The following PACSIN2 variants were observed in gnomAD, a reference collection of about 807,000 sequenced individuals.
PACSIN2 encodes the protein protein kinase C and casein kinase substrate in neurons protein 2.
In PACSIN2, 25 loss-of-function variants were observed where a neutral mutation model predicts 63.8. That is an observed-to-expected ratio of 0.39 (90% CI 0.29 to 0.55). The LOEUF (loss-of-function observed/expected upper bound fraction) is 0.55, where lower values mean the gene tolerates loss of function less well. Ranked by LOEUF, PACSIN2 falls within the 20% of genes least tolerant of loss-of-function variation. PACSIN2 has a pLI of 0.62. For missense variants in PACSIN2, 518 were observed against 646.9 expected, an observed-to-expected ratio of 0.80 and a Z score of 2.16; for synonymous variants, 255 against 256.2, an observed-to-expected ratio of 1.00 and a Z score of 0.05.
At chr22:42,997,592 AAATG>A (rs1461264746) in intron 1 of PACSIN2, among the ~76,000 whole-genome samples, 1 of 151,704 alleles carries the variant, frequency 6.6e-6, no homozygotes, top group Non-Finnish European at 1.5e-5. Flanking sequence ...AAATAAATAA[AAATG>A]AATGGGGATT....
intron 2 of PACSIN2, among the ~76,000 whole-genome samples, chr22:42,895,485 C>T (rs1930213942): frequency 6.6e-6 from 1 of 152,172 alleles, no homozygotes; most frequent in South Asian, 2.1e-4. Context: ...TATTTTGGCT[C>T]TCTTGAAACC....
At chr22:42,968,175 G>GT (rs1340207394) in intron 1 of PACSIN2, among the ~76,000 whole-genome samples, 1 of 152,174 alleles carries the variant, frequency 6.6e-6, no homozygotes, top group African/African-American at 2.4e-5. Context: ...CACAAACAGC[G>GT]TGACACTGCA....
intron 10 of PACSIN2, among the ~76,000 whole-genome samples, chr22:42,874,559 C>T (rs1928438194): frequency 6.6e-6 from 1 of 152,218 alleles, no homozygotes. Flanking sequence ...CCACCTGGCC[C>T]AGGGGCATGC....
chr22:42,876,209 C>T lies in PACSIN2; in HGVS notation c.1276G>A (p.Gly426Arg), dbSNP rs763019917. 6.2e-7 allele frequency: 1 copy of T among 1,614,240 alleles called. No homozygotes were observed. Among genetic ancestry groups the T allele is most frequent in the Admixed American group, 1.7e-5 (1 of 60,036 alleles). Residue 426 changes from glycine (G) to arginine (R), a missense_variant, in exon 10 of 11, where the codon GGG (glycine) becomes AGG (arginine). Transcript: ENST00000263246. The stretch of plus-strand genomic sequence containing the variant: ...AGGGCCCGGACTCGCACTTCCGTCC[C>T]CGAGGTGGCGTCGTCGTCGAATGGA... ...SNPFDDDATS[G>R]TEVRVRALYD...
chr22:42,882,914 C>T (rs886144305), intron 6 of PACSIN2, among the ~76,000 whole-genome samples: 3 of 152,160 alleles, frequency 2.0e-5, no homozygotes, highest in East Asian at 1.9e-4. Context: ...CTCTGGGCCT[C>T]GGTTTCCTCC....
chr22:43,007,522 T>C (rs1341485556), intron 1 of PACSIN2, among the ~76,000 whole-genome samples: 1 of 152,136 alleles, frequency 6.6e-6, no homozygotes, highest in African/African-American at 2.4e-5. Context: ...AGCCACTCCT[T>C]GTTCTTCAGA....
At chr22:42,909,765 A>G (rs1266417501) in intron 2 of PACSIN2, among the ~76,000 whole-genome samples, 2 of 152,230 alleles carry the variant, frequency 1.3e-5, no homozygotes, top group African/African-American at 4.8e-5. Context: ...GTTCACCTGA[A>G]TGTTTTTTAA....
At chr22:42,962,231 G>A (rs1934161791) in intron 1 of PACSIN2, among the ~76,000 whole-genome samples, 1 of 151,958 alleles carries the variant, frequency 6.6e-6, no homozygotes, top group Non-Finnish European at 1.5e-5. Context: ...CTGGTTATGG[G>A]AGGGCTTTTT....
At chr22:42,951,864 C>T (rs1361802599) in intron 1 of PACSIN2, among the ~76,000 whole-genome samples, 3 of 152,198 alleles carry the variant, frequency 2.0e-5, no homozygotes, top group Non-Finnish European at 4.4e-5. Context: ...AATCCCCACA[C>T]CCTGGACTCT....
intron 1 of PACSIN2, among the ~76,000 whole-genome samples, chr22:42,969,064 T>TCCATCCATCCATCCATCCAC (rs1921045893): frequency 6.6e-6 from 1 of 151,972 alleles, no homozygotes; most frequent in African/African-American, 2.4e-5. Flanking sequence ...CATCCATCCA[T>TCCATCCATCCATCCATCCAC]CCATCCACCC....
intron 1 of PACSIN2, among the ~76,000 whole-genome samples, chr22:43,013,309 G>A (rs1364390559): frequency 6.6e-6 from 1 of 152,110 alleles, no homozygotes; most frequent in East Asian, 1.9e-4. Context: ...CAGCCTAATG[G>A]CCACTTTCTT....
chr22:42,883,675 C>A (rs1869414805), intron 6 of PACSIN2, among the ~76,000 whole-genome samples: 1 of 152,240 alleles, frequency 6.6e-6, no homozygotes, highest in South Asian at 2.1e-4. Flanking sequence ...GCACGACCAG[C>A]CCAGAAATGC....
chr22:42,871,302 G>T lies in PACSIN2; in HGVS notation c.*55C>A. Reference sequence around the variant, plus strand: ...AAAGGAGTGGATGCCCACGTGGCTGGCTGAGGCTCCTGGGCCCGCCGCCTC... The same window carrying T: ...AAAGGAGTGGATGCCCACGTGGCTGTCTGAGGCTCCTGGGCCCGCCGCCTC... On this transcript the variant is annotated 3_prime_UTR_variant, in exon 11 of 11. Coordinates refer to ENST00000263246, the MANE Select transcript of PACSIN2 (RefSeq NM_001184970.3). The surrounding 1 kb of genome is among the most constrained non-coding windows in gnomAD (Gnocchi z 5.4). The T allele has an allele frequency of 2.7e-6, 3 of 1,111,924 alleles. No individual in the cohort carries two copies. Among genetic ancestry groups the T allele is most frequent in the Non-Finnish European group, 2.8e-6 (2 of 724,812 alleles). 68.9% of individuals were successfully genotyped at this position (1,111,924 alleles called of 1,614,324 possible).
intron 7 of PACSIN2, among the ~76,000 whole-genome samples, chr22:42,879,541 C>T (rs889154874): frequency 4.6e-5 from 7 of 152,208 alleles, no homozygotes; most frequent in Non-Finnish European, 8.8e-5. Flanking sequence ...TCAGTCCCAG[C>T]CCCCTCAGGC....
intron 8 of PACSIN2, among the ~76,000 whole-genome samples, chr22:42,877,426 C>T (rs138883709): frequency 4.0e-4 from 61 of 152,170 alleles, no homozygotes; most frequent in Non-Finnish European, 6.8e-4. Context: ...TGGGAGGGGC[C>T]GGCTCCCATG....
chr22:43,006,671 C>T (rs940127856), intron 1 of PACSIN2, among the ~76,000 whole-genome samples: 1 of 152,076 alleles, frequency 6.6e-6, no homozygotes, highest in African/African-American at 2.4e-5. Flanking sequence ...AAAAATTAGC[C>T]CGGCATGATG....
At chr22:42,876,508 A>G (rs1364657673) in intron 9 of PACSIN2, among the ~76,000 whole-genome samples, 175 bp from the exon 10 acceptor site, 2 of 152,002 alleles carry the variant, frequency 1.3e-5, no homozygotes, top group Non-Finnish European at 2.9e-5. Flanking sequence ...ACTCATCCTG[A>G]GCCATCAACA....
intron 1 of PACSIN2, among the ~76,000 whole-genome samples, chr22:42,996,259 C>T (rs1923394327): frequency 6.6e-6 from 1 of 151,182 alleles, no homozygotes; most frequent in Admixed American, 6.6e-5. Flanking sequence ...TGACACTGGA[C>T]GCGGTGGCTC....
intron 2 of PACSIN2, among the ~76,000 whole-genome samples, chr22:42,896,506 C>T (rs1013585509): frequency 2.0e-4 from 31 of 152,200 alleles, no homozygotes; most frequent in African/African-American, 7.2e-4. Flanking sequence ...AGTTATACCA[C>T]TCTTTGGTTT....
Sources: gnomAD v4.1 joint callset for allele counts (sites outside exome capture counted in the v4.1 genomes callset) on GRCh38, gnomAD v4.1.1 for gene constraint, Gnocchi (gnomAD v3.1) non-coding constraint, MANE v1.5 for transcripts, NCBI Gene and HGNC (gene_info 2026-07-23, HGNC 2026-07-21) for gene names.